Variants in U2SURP observed in about 807,000 individuals in gnomAD.
U2SURP encodes U2 snRNP-associated SURP motif-containing protein.
In U2SURP, 9 loss-of-function variants were observed where a neutral mutation model predicts 144.9. The ratio of observed to expected loss-of-function variants is 0.06; its 90% CI spans 0.04 to 0.11. U2SURP has a LOEUF of 0.11. Among genes scored for constraint, U2SURP ranks in the 10% least tolerant of loss-of-function variants. U2SURP has a pLI of 1.00. For synonymous variants in U2SURP, 408 were observed against 396.8 expected (o/e 1.03, Z -0.33); for missense variants, 724 against 1,226.7 (o/e 0.59, Z 6.12).
chr3:143,052,248 T>C (rs1301736307), intron 25 of U2SURP, among the ~76,000 whole-genome samples: 2 of 151,984 alleles, frequency 1.3e-5, no homozygotes, highest in Non-Finnish European at 2.9e-5. Flanking sequence ...TACAAAATTA[T>C]CTGGGTGTGG....
intron 12 of U2SURP, 24 bp downstream of exon 12, chr3:143,023,088 G>T: frequency 6.5e-7 from 1 of 1,542,142 alleles, no homozygotes; most frequent in Non-Finnish European, 8.8e-7. Flanking sequence ...TGGACATAAG[G>T]CCGCATCTAA....
Position 143,004,235 on chromosome 3 carries a change from A to G in U2SURP, c.45+2562A>G, listed in dbSNP as rs535058095. 4.6e-5 allele frequency among the ~76,000 whole-genome samples: 7 copies of G among 152,030 alleles called. No individual in the cohort carries two copies. The East Asian group carries it at 9.6e-4, about 21-fold the overall frequency. On this transcript the variant is annotated intron_variant, in intron 1 of 27. Transcript: ENST00000473835. ...GTTAATATGGATAGGGATGCTTATTATATTTCTAGACATTGGGAAAATGTT... is the reference window on the plus strand; with the variant it reads ...GTTAATATGGATAGGGATGCTTATTGTATTTCTAGACATTGGGAAAATGTT...
Position 143,021,392 on chromosome 3 carries a change from C to A in U2SURP, c.769+7C>A. ...AGAAATAGATCATCTGGTGGTAATA[C>A]AGTTTTTTGCTCTTTTAATCGATAA... On this transcript the variant is annotated splice_region_variant and intron_variant, in intron 9 of 27. Transcript: ENST00000473835. 1 of 1,604,640 alleles carries A rather than the reference C, an allele frequency of 6.2e-7. No individual in the cohort carries two copies. Among genetic ancestry groups the A allele is most frequent in the South Asian group, 1.1e-5 (1 of 89,660 alleles).
At chr3:143,049,265 CAAAAAAAAAAAAAA>C (rs200930787) in intron 24 of U2SURP, among the ~76,000 whole-genome samples, 2 of 81,496 alleles carry the variant, frequency 2.5e-5, no homozygotes, top group African/African-American at 1.0e-4. Context: ...GACTCCATCT[CAAAAAAAAAAAAAA>C]AAAAAAAAAA....
intron 24 of U2SURP, among the ~76,000 whole-genome samples, chr3:143,048,009 A>G (rs912386900): frequency 6.6e-6 from 1 of 152,170 alleles, no homozygotes; most frequent in Non-Finnish European, 1.5e-5. Flanking sequence ...TCTACCAACA[A>G]GGTTGGAAGA....
At chr3:143,015,599 T>G (rs1034197023) in intron 4 of U2SURP, among the ~76,000 whole-genome samples, 1 of 152,120 alleles carries the variant, frequency 6.6e-6, no homozygotes, top group African/African-American at 2.4e-5. Context: ...TATTCAGTTA[T>G]CCTAGTATCA....
At chr3:143,040,641 C>A (rs549725406) in intron 23 of U2SURP, among the ~76,000 whole-genome samples, 1 of 151,862 alleles carries the variant, frequency 6.6e-6, no homozygotes, top group Admixed American at 6.5e-5. Flanking sequence ...CTTGAATTTG[C>A]ATGTCTTTTT....
intron 1 of U2SURP, among the ~76,000 whole-genome samples, chr3:143,005,075 C>A (rs932320231): frequency 6.6e-6 from 1 of 151,402 alleles, no homozygotes; most frequent in Non-Finnish European, 1.5e-5. Context: ...TCTGCCATCT[C>A]CTGTGCTGGT....
intron 6 of U2SURP, among the ~76,000 whole-genome samples, chr3:143,018,830 C>T (rs1001588627): frequency 6.6e-6 from 1 of 152,148 alleles, no homozygotes; most frequent in African/African-American, 2.4e-5. Flanking sequence ...GAGGCTGAGG[C>T]AGGAGAATCG....
At chr3:143,038,293 T>C in intron 22 of U2SURP, 90 bp downstream of exon 22, 3 of 977,712 alleles carry the variant, frequency 3.1e-6, no homozygotes, top group Non-Finnish European at 4.4e-6. Context: ...TTTTATGTTT[T>C]ATAACACGTT....
intron 19 of U2SURP, 40 bp from the exon 20 acceptor site, chr3:143,035,942 C>G: frequency 6.4e-7 from 1 of 1,555,870 alleles, no homozygotes; most frequent in Non-Finnish European, 8.6e-7. Context: ...AGACATATAG[C>G]CCAAAATAAA....
At position 143,021,371 on chromosome 3, in the gene U2SURP, A is replaced by G. The variant is rs534431706; in HGVS notation, c.755A>G (p.Asn252Ser). 1 of 1,602,252 alleles carries G rather than the reference A, an allele frequency of 6.2e-7. No homozygotes were observed. The highest frequency in any genetic ancestry group is 1.1e-5 in the South Asian group (1 of 89,288). ...RRSMDAPSRR[N>S]RSSGVLDDYA... ...TAAGTGGACGCGCCTTCAAGAAGAA[A>G]TAGATCATCTGGTGGTAATACAGTT... The change falls in exon 9 of 28, where the codon AAT becomes AGT. Residue 252 changes from asparagine to serine, a missense_variant. Physicochemically the swap from Asn to Ser is conservative, Grantham distance 46. Around this residue, in one of 13 missense-constraint regions of U2SURP, gnomAD observed 115 missense variants for 258.1 expected, o/e 0.45. Coordinates refer to ENST00000473835, the MANE Select transcript of U2SURP (RefSeq NM_001080415.2).
intron 24 of U2SURP, among the ~76,000 whole-genome samples, chr3:143,049,289 A>AAAAG (rs1560205886): frequency 5.4e-5 from 8 of 149,002 alleles, no homozygotes; most frequent in African/African-American, 7.4e-5. Context: ...AAAAAAAAAA[A>AAAAG]AAAGAAAGAA....
rs1046304768 is a variant in U2SURP, at chr3:143,057,717, T to G, written c.*1267T>G. On this transcript the variant is annotated 3_prime_UTR_variant, in exon 28 of 28. Coordinates refer to ENST00000473835, the MANE Select transcript of U2SURP (RefSeq NM_001080415.2). ...GCACTTCATACACTGGTTTGATGGG[T>G]TTTTTTTTTCCTCCCTAAAAGAGAA... 12 of 148,856 alleles carry G rather than the reference T, an allele frequency of 8.1e-5. No individual in the cohort carries two copies. Among genetic ancestry groups the G allele is most frequent in the South Asian group, 4.2e-4 (2 of 4,732 alleles). 9.2% of individuals were successfully genotyped at this position (148,856 alleles called of 1,614,324 possible).
intron 3 of U2SURP, 104 bp from the exon 4 acceptor site, chr3:143,014,207 A>G: frequency 3.2e-6 from 2 of 633,638 alleles, no homozygotes; most frequent in East Asian, 3.3e-5. Context: ...AAATTTAAAA[A>G]AAAACGGCAG....
chr3:143,017,729 C>T (rs992755720), intron 6 of U2SURP, among the ~76,000 whole-genome samples: 1 of 151,904 alleles, frequency 6.6e-6, no homozygotes, highest in Non-Finnish European at 1.5e-5. Context: ...AGGTGGTCCT[C>T]CCACCTCAGC....
At chr3:143,034,853 A>T in intron 18 of U2SURP, 35 bp from the exon 19 acceptor site, 1 of 1,391,736 alleles carries the variant, frequency 7.2e-7, no homozygotes. Flanking sequence ...AATTTTAAAC[A>T]TTTTATTTTA....
At chr3:143,039,059 C>T (rs932120393) in intron 23 of U2SURP, 99 bp downstream of exon 23, 1 of 884,700 alleles carries the variant, frequency 1.1e-6, no homozygotes, top group Non-Finnish European at 1.6e-6. Flanking sequence ...GAAAACTTCA[C>T]TCTTAAAAAA....
At chr3:143,032,500 G>A (rs1027790387) in intron 16 of U2SURP, among the ~76,000 whole-genome samples, 3 of 152,178 alleles carry the variant, frequency 2.0e-5, no homozygotes, top group African/African-American at 7.2e-5. Flanking sequence ...GGTAAGACTG[G>A]GGTGCTCTTA....
Sources: allele counts gnomAD v4.1 joint callset (sites outside exome capture counted in the v4.1 genomes callset), GRCh38; gene constraint gnomAD v4.1.1; regional missense constraint gnomAD v4.1.1; transcripts MANE v1.5; gene names NCBI Gene and HGNC (gene_info 2026-07-23, HGNC 2026-07-21).